The following DYSF variants were observed in gnomAD, a reference collection of about 807,000 sequenced individuals.
The protein encoded by DYSF is dystrophy-associated fer-1-like 1.
In DYSF, 212 loss-of-function variants were observed where a neutral mutation model predicts 274.9. That is an observed-to-expected ratio of 0.77 (90% CI 0.69 to 0.86). The LOEUF is 0.86. Ranked by LOEUF, DYSF falls within the 40% of genes least tolerant of loss-of-function variation. The probability of loss-of-function intolerance (pLI) is 0.00; values close to 1 mark genes in which losing one functional copy is unlikely to be tolerated. For missense variants in DYSF, 2,666 were observed against 2,783.2 expected, an observed-to-expected ratio of 0.96 and a Z score of 0.95; for synonymous variants, 1,091 against 1,078.7, an observed-to-expected ratio of 1.01 and a Z score of -0.22.
At chr2:71,634,174 G>A (rs896698506) in intron 41 of DYSF, among the ~76,000 whole-genome samples, 4 of 152,184 alleles carry the variant, frequency 2.6e-5, no homozygotes, top group Non-Finnish European at 5.9e-5. Flanking sequence ...TGAGCATGGG[G>A]GAGTGGTGTT....
At chr2:71,543,659 A>T (rs1182595021) in intron 17 of DYSF, among the ~76,000 whole-genome samples, 1 of 152,354 alleles carries the variant, frequency 6.6e-6, no homozygotes, top group Non-Finnish European at 1.5e-5. Context: ...TAGGAGCTGG[A>T]GACCAGCCCG....
chr2:71,470,673 CAA>C (rs776955310), intron 1 of DYSF, among the ~76,000 whole-genome samples: 21 of 57,702 alleles, frequency 3.6e-4, no homozygotes, highest in African/African-American at 6.5e-4. Context: ...GACTCCATCT[CAA>C]AAAAAAAAAA....
chr2:71,476,109 G>C (rs1405384610), intron 1 of DYSF, among the ~76,000 whole-genome samples: 1 of 152,144 alleles, frequency 6.6e-6, no homozygotes, highest in African/African-American at 2.4e-5. Flanking sequence ...GAACTTGGGG[G>C]GATCCTCAAG....
chr2:71,481,222 G>C (rs911194493), intron 2 of DYSF, among the ~76,000 whole-genome samples: 3 of 152,216 alleles, frequency 2.0e-5, no homozygotes, highest in Admixed American at 6.5e-5. Flanking sequence ...TCTCTTGCCT[G>C]CCTGTTTCTC....
chr2:71,503,069 G>A (rs2085149692), intron 3 of DYSF, 145 bp from the exon 4 acceptor site: 1 of 772,964 alleles, frequency 1.3e-6, no homozygotes. Context: ...TGGGTGTGGG[G>A]GTGCAGGAGA....
intron 22 of DYSF, among the ~76,000 whole-genome samples, chr2:71,560,422 C>CACAGGGCTCCGGCCCAGGCCCCCCCCCCT (rs1359024539): frequency 6.7e-5 from 1 of 14,844 alleles, no homozygotes; most frequent in East Asian, 3.0e-4. Context: ...GGCAGGCCCC[C>CACAGGGCTCCGGCCCAGGCCCCCCCCCCT]GCCCCGCTAC....
chr2:71,514,043 GT>G (rs2086389174), intron 7 of DYSF, 122 bp downstream of exon 7: 1 of 1,168,290 alleles, frequency 8.6e-7, no homozygotes, highest in African/African-American at 1.5e-5. Context: ...GGGCCCTCCT[GT>G]GGGGGAATCT....
At chr2:71,481,779 G>A in intron 2 of DYSF, 100 bp from the exon 3 acceptor site, 2 of 871,348 alleles carry the variant, frequency 2.3e-6, no homozygotes, top group East Asian at 2.6e-5. Context: ...AATCATTCAT[G>A]AATGCCTACT....
At chr2:71,618,219 T>C (rs2093963431) in intron 40 of DYSF, among the ~76,000 whole-genome samples, 2 of 116,708 alleles carry the variant, frequency 1.7e-5, no homozygotes, top group African/African-American at 7.1e-5. Flanking sequence ...TGTGTGTGTG[T>C]GGTAGAGGTG....
chr2:71,540,813 CT>C, intron 17 of DYSF, among the ~76,000 whole-genome samples: 1 of 152,028 alleles, frequency 6.6e-6, no homozygotes, highest in East Asian at 1.9e-4. Flanking sequence ...AACTTTTCCC[CT>C]GTCATTTATG....
At chr2:71,684,189 T>C (rs2152973975) in intron 55 of DYSF, among the ~76,000 whole-genome samples, 1 of 152,288 alleles carries the variant, frequency 6.6e-6, no homozygotes, top group African/African-American at 2.4e-5. Flanking sequence ...GTGTGTACGA[T>C]GTGGGAGGCC....
rs1037314190 is a variant in DYSF at position 71,543,061 on chromosome 2, C to T, written c.1576+3822C>T. ...CGGGCGGGGGCTGCCCCCCACCTCC[C>T]GGACTGGGCAGCTGCCGGGCGGAGA... is the stretch of plus-strand genomic sequence containing the variant. On this transcript the variant is annotated intron_variant, in intron 17 of 55. Transcript: ENST00000410020. Among the ~76,000 whole-genome samples, 9 of 151,020 alleles carry T rather than the reference C, an allele frequency of 6.0e-5. No individual in the cohort carries two copies. In the East Asian group the frequency reaches 9.9e-4, roughly 17 times the overall value.
chr2:71,570,529 A>T, intron 28 of DYSF, 70 bp from the exon 29 acceptor site: 1 of 1,593,036 alleles, frequency 6.3e-7, no homozygotes. Flanking sequence ...CATGCCCCAA[A>T]TTCAGAGATG....
chr2:71,674,371 GTTGGACCCTT>G, intron 52 of DYSF, 75 bp downstream of exon 52: 1 of 1,449,300 alleles, frequency 6.9e-7, no homozygotes, highest in Non-Finnish European at 9.7e-7. Flanking sequence ...TTATGCCACT[GTTGGACCCTT>G]GGGGAAGCCT....
In DYSF at chr2:71,680,805, G is replaced by A. The variant is rs117468289; in HGVS notation, c.6064-196G>A. On this transcript the variant is annotated intron_variant, in intron 53 of 55. Coordinates refer to ENST00000410020, the MANE Select transcript of DYSF (RefSeq NM_001130987.2). The stretch of plus-strand genomic sequence containing the variant: ...GTCTCCATGTAGTGGAAGTAGGGGT[G>A]GCAGTCTCCCTTCTTTATACATTTC... 1.3e-3 allele frequency among the ~76,000 whole-genome samples: 204 copies of A among 152,328 alleles called. 6 individuals carry two copies. In the East Asian group the frequency reaches 0.038, roughly 29 times the overall value.
At position 71,547,909 on chromosome 2, in the gene DYSF, C is replaced by T. The variant is rs115214364; in HGVS notation, c.1577-3132C>T. Among the ~76,000 whole-genome samples the T allele has an allele frequency of 7.5e-3, 1,135 of 152,172 alleles. 17 individuals are homozygous for T. Among genetic ancestry groups the T allele is most frequent in the African/African-American group, 0.025 (1,049 of 41,512 alleles). On this transcript the variant is annotated intron_variant, in intron 17 of 55. Coordinates refer to ENST00000410020, the MANE Select transcript of DYSF (RefSeq NM_001130987.2). Reference sequence around the variant, plus strand: ...AACTGTGACCTTGGCCTCATTAGCCCGAGATAACGGGCCAGGCCTGTTAGT... The same window carrying T: ...AACTGTGACCTTGGCCTCATTAGCCTGAGATAACGGGCCAGGCCTGTTAGT...
chr2:71,682,968 A>G (rs1226456173), intron 55 of DYSF, among the ~76,000 whole-genome samples: 1 of 152,190 alleles, frequency 6.6e-6, no homozygotes, highest in African/African-American at 2.4e-5. Flanking sequence ...TGAAGGGGTT[A>G]GGAGAAGATG....
intron 29 of DYSF, 196 bp downstream of exon 29, chr2:71,570,937 C>A (rs1207718685): frequency 1.4e-6 from 1 of 708,758 alleles, no homozygotes; most frequent in Non-Finnish European, 2.2e-6. Context: ...CAGATCACAC[C>A]CAGCATACCC....
intron 12 of DYSF, among the ~76,000 whole-genome samples, chr2:71,524,687 A>G (rs2087661375): frequency 6.6e-6 from 1 of 152,148 alleles, no homozygotes; most frequent in Admixed American, 6.5e-5. Flanking sequence ...CAGCCACCAG[A>G]TCTTTTGTCT....
Sources: allele counts gnomAD v4.1 joint callset (sites outside exome capture counted in the v4.1 genomes callset), GRCh38; gene constraint gnomAD v4.1.1; transcripts MANE v1.5; gene names NCBI Gene and HGNC (gene_info 2026-07-23, HGNC 2026-07-21).